TIMM44: variants seen among roughly 807,000 people sequenced by gnomAD.
TIMM44 encodes mitochondrial import inner membrane translocase subunit TIM44.
TIMM44 carries 37 observed loss-of-function variants against 63.8 expected under a neutral mutation model. The ratio of observed to expected loss-of-function variants is 0.58; its 90% CI spans 0.45 to 0.76. The LOEUF (loss-of-function observed/expected upper bound fraction) is 0.76, where lower values mean the gene tolerates loss of function less well. Among genes scored for constraint, TIMM44 ranks in the 30% least tolerant of loss-of-function variants. The pLI, the probability that TIMM44 is intolerant of heterozygous loss-of-function variation, is 0.00. For missense variants in TIMM44, 573 were observed against 603.8 expected (o/e 0.95, Z 0.54); for synonymous variants, 239 against 245.1 (o/e 0.98, Z 0.23).
chr19:7,929,420 A>G (rs909676553), intron 10 of TIMM44, among the ~76,000 whole-genome samples: 2 of 152,168 alleles, frequency 1.3e-5, no homozygotes, highest in Non-Finnish European at 2.9e-5. Context: ...AGAGGCTCCC[A>G]GGGCCTGGGG....
At chr19:7,939,979 C>A (rs1599652007) in intron 2 of TIMM44, among the ~76,000 whole-genome samples, 1 of 152,240 alleles carries the variant, frequency 6.6e-6, no homozygotes. Flanking sequence ...AAGGGGCCGC[C>A]TGTGGTCAAC....
At chr19:7,939,597 A>G (rs1984247430) in intron 2 of TIMM44, among the ~76,000 whole-genome samples, 3 of 144,980 alleles carry the variant, frequency 2.1e-5, no homozygotes, top group Non-Finnish European at 3.0e-5. Flanking sequence ...TGGGTGATGG[A>G]ATGAGACTCC....
Position 7,934,698 on chromosome 19 carries a change from C to G in TIMM44, c.393+367G>C, listed in dbSNP as rs1984093478. Among the ~76,000 whole-genome samples the G allele has an allele frequency of 6.6e-6, 1 of 152,134 alleles. No individual in the cohort carries two copies. The highest frequency in any genetic ancestry group is 1.5e-5 in the Non-Finnish European group (1 of 67,992). On this transcript the variant is annotated intron_variant, in intron 4 of 12. Coordinates refer to ENST00000270538, the MANE Select transcript of TIMM44 (RefSeq NM_006351.4). This position sits in a 1 kb window ranked among gnomAD's most constrained non-coding sequence, Gnocchi z 5.3. ...CCATGCTGCGCAAAGCTGGACAGAACAGACAACCGAGGAGAGCCGCAGCAC... is the reference window on the plus strand; with the variant it reads ...CCATGCTGCGCAAAGCTGGACAGAAGAGACAACCGAGGAGAGCCGCAGCAC...
At chr19:7,938,956 C>T (rs1010641421) in intron 2 of TIMM44, among the ~76,000 whole-genome samples, 9 of 151,890 alleles carry the variant, frequency 5.9e-5, no homozygotes, top group Non-Finnish European at 1.3e-4. Flanking sequence ...AACTATAGAC[C>T]GTTCTGGAAA....
chr19:7,930,561 A>G (rs1169550967), intron 10 of TIMM44, among the ~76,000 whole-genome samples: 1 of 151,460 alleles, frequency 6.6e-6, no homozygotes, highest in East Asian at 2.0e-4. Context: ...CTGCCTTGGC[A>G]TCCCAAAGTG....
intron 2 of TIMM44, 67 bp from the exon 3 acceptor site, chr19:7,938,264 G>A: frequency 2.3e-6 from 3 of 1,293,556 alleles, no homozygotes; most frequent in Non-Finnish European, 3.2e-6. Flanking sequence ...ATGCCCCACA[G>A]AGGGACTCAG....
chr19:7,937,504 C>T (rs1048767196), intron 3 of TIMM44, among the ~76,000 whole-genome samples: 9 of 152,332 alleles, frequency 5.9e-5, no homozygotes, highest in Middle Eastern at 3.4e-3. Flanking sequence ...CTGGGGACCA[C>T]GCTTCAAGCT....
chr19:7,926,957 G>A lies in TIMM44; in HGVS notation c.*230C>T. 2 of 572,770 alleles carry A rather than the reference G, an allele frequency of 3.5e-6. No individual in the cohort carries two copies. Among genetic ancestry groups the A allele is most frequent in the Non-Finnish European group, 6.2e-6 (2 of 323,152 alleles). 35.5% of individuals were successfully genotyped at this position (572,770 alleles called of 1,614,324 possible). ...TGACCAGGCGCCGGGACCCCTGCAG[G>A]GCAGAGCAACAGGGCAGGGGTTGGC... On this transcript the variant is annotated 3_prime_UTR_variant, in exon 13 of 13. Coordinates refer to ENST00000270538, the MANE Select transcript of TIMM44 (RefSeq NM_006351.4).
At chr19:7,937,552 G>A (rs925030883) in intron 3 of TIMM44, among the ~76,000 whole-genome samples, 1 of 152,184 alleles carries the variant, frequency 6.6e-6, no homozygotes, top group Non-Finnish European at 1.5e-5. Context: ...AGAACCCAGA[G>A]GCCTGGAGAC....
chr19:7,927,394 G>C, intron 12 of TIMM44, 88 bp from the exon 13 acceptor site: 1 of 1,525,658 alleles, frequency 6.6e-7, no homozygotes, highest in Non-Finnish European at 9.0e-7. Context: ...TGGGGCAGGA[G>C]CCACCGGCAA....
chr19:7,930,990 T>C, intron 10 of TIMM44, 148 bp downstream of exon 10: 1 of 690,454 alleles, frequency 1.4e-6, no homozygotes, highest in Non-Finnish European at 2.5e-6. Context: ...TGTCAGGCTC[T>C]CGGAGGGTGA....
At position 7,943,162 on chromosome 19, in the gene TIMM44, G is replaced by C. The variant is rs1683553136; in HGVS notation, c.45+445C>G. 1.3e-5 allele frequency among the ~76,000 whole-genome samples: 2 copies of C among 152,210 alleles called. No individual in the cohort carries two copies. Among genetic ancestry groups the C allele is most frequent in the Admixed American group, 1.3e-4 (2 of 15,288 alleles). On this transcript the variant is annotated intron_variant, in intron 1 of 12. Coordinates refer to ENST00000270538, the MANE Select transcript of TIMM44 (RefSeq NM_006351.4). This position sits in a 1 kb window ranked among gnomAD's most constrained non-coding sequence, Gnocchi z 4.3. ...GCCCTGTGGACCCAAGAGCCTGCTA[G>C]GGCGCGAACCACCTCTCGCACATCC... is the stretch of plus-strand genomic sequence containing the variant.
Position 7,926,939 on chromosome 19 carries a change from G to A in TIMM44, c.*248C>T, listed in dbSNP as rs1468155696. ...ACCTGTGTGCACCCCAGGTGACCAG[G>A]CGCCGGGACCCCTGCAGGGCAGAGC... On this transcript the variant is annotated 3_prime_UTR_variant, in exon 13 of 13. Transcript: ENST00000270538. 2.0e-6 allele frequency: 1 copy of A among 509,908 alleles called. No individual in the cohort carries two copies. Among genetic ancestry groups the A allele is most frequent in the African/African-American group, 1.9e-5 (1 of 51,666 alleles). The allele number at this position is 509,908 out of a possible 1,614,324, so 31.6% of individuals were successfully genotyped here.
At position 7,943,040 on chromosome 19, in the gene TIMM44, CAA is replaced by C. The variant is rs546602728; in HGVS notation, c.45+565_45+566del. ...GGGCGACAAGAGCGAAACTCTGTCT[CAA>C]AAAAAAAAAAAAAAGAGAAAAAAGA... On this transcript the variant is annotated intron_variant, in intron 1 of 12. Coordinates refer to ENST00000270538, the MANE Select transcript of TIMM44 (RefSeq NM_006351.4). The surrounding 1 kb of genome is among the most constrained non-coding windows in gnomAD (Gnocchi z 4.3). Among the ~76,000 whole-genome samples the C allele has an allele frequency of 3.0e-3, 252 of 83,964 alleles. 1 individual carries two copies. Among genetic ancestry groups the C allele is most frequent in the African/African-American group, 7.5e-3 (191 of 25,504 alleles). 55.1% of individuals were successfully genotyped at this position (83,964 alleles called of 152,430 possible).
intron 2 of TIMM44, among the ~76,000 whole-genome samples, chr19:7,940,890 TACG>T (rs1984288985): frequency 6.6e-6 from 1 of 151,794 alleles, no homozygotes; most frequent in South Asian, 2.1e-4. Flanking sequence ...CTTATCCCCT[TACG>T]ACATCAAGCA....
chr19:7,930,046 A>T (rs1348214853), intron 10 of TIMM44, among the ~76,000 whole-genome samples: 1 of 151,596 alleles, frequency 6.6e-6, no homozygotes, highest in Non-Finnish European at 1.5e-5. Context: ...ACAGGGTTTC[A>T]CCATGTTGGC....
chr19:7,932,670 A>G lies in TIMM44; in HGVS notation c.944T>C (p.Phe315Ser). ...GATGTCGTTCTCGCACTGTTTCAGA[A>G]ACCGGTCCTTGTCAAAGGCCGGGTC... ...RVDPAFDKDR[F>S]LKQCENDIIP... The change falls in exon 9 of 13, where the codon TTT (phenylalanine) becomes TCT (serine). Residue 315 changes from phenylalanine to serine, a missense_variant. Physicochemically the swap from Phe to Ser is radical, Grantham distance 155 (BLOSUM62 -2). Coordinates refer to ENST00000270538, the MANE Select transcript of TIMM44 (RefSeq NM_006351.4). 2 of 1,614,118 alleles carry G rather than the reference A, an allele frequency of 1.2e-6. No individual in the cohort carries two copies. The highest frequency in any genetic ancestry group is 1.7e-6 in the Non-Finnish European group (2 of 1,180,006).
chr19:7,933,341 C>G lies in TIMM44; in HGVS notation c.769+144G>C, dbSNP rs1220802236. The G allele has an allele frequency of 3.7e-6, 3 of 812,126 alleles. No individual in the cohort carries two copies. The highest frequency in any genetic ancestry group is 6.6e-6 in the Non-Finnish European group (3 of 451,470). The allele number at this position is 812,126 out of a possible 1,614,324, so 50.3% of individuals were successfully genotyped here. A position where few individuals can be genotyped will look rare whatever the true frequency, so the allele number is the denominator to read the frequency against. The stretch of plus-strand genomic sequence containing the variant: ...ATCTACAGCCCCACCATCATGTGAC[C>G]GCAAAGAAGTGACCGGCCCACTCTG... On this transcript the variant is annotated intron_variant, in intron 7 of 12. Coordinates refer to ENST00000270538, the MANE Select transcript of TIMM44 (RefSeq NM_006351.4). The surrounding 1 kb of genome is among the most constrained non-coding windows in gnomAD (Gnocchi z 4.3).
At position 7,941,211 on chromosome 19, in the gene TIMM44, G is replaced by C; in HGVS notation, c.46-14C>G. The C allele has an allele frequency of 6.3e-7, 1 of 1,596,272 alleles. No homozygotes were observed. Among genetic ancestry groups the C allele is most frequent in the Non-Finnish European group, 8.6e-7 (1 of 1,163,896 alleles). On this transcript the variant is annotated splice_polypyrimidine_tract_variant and intron_variant, in intron 1 of 12. Coordinates refer to ENST00000270538, the MANE Select transcript of TIMM44 (RefSeq NM_006351.4). ...GCCGAGGCATCTCTAATTGGGGGGA[G>C]AGAAGAGAAAGATCCATTCTAACAA...
Sources: gnomAD v4.1 joint callset for allele counts (sites outside exome capture counted in the v4.1 genomes callset) on GRCh38, gnomAD v4.1.1 for gene constraint, Gnocchi (gnomAD v3.1) non-coding constraint, MANE v1.5 for transcripts, NCBI Gene and HGNC (gene_info 2026-07-23, HGNC 2026-07-21) for gene names.